Variants in DNMT1 observed in about 807,000 individuals in gnomAD.
DNMT1 encodes the protein DNA (cytosine-5)-methyltransferase 1.
DNMT1 carries 24 observed loss-of-function variants against 205.3 expected under a neutral mutation model. The ratio of observed to expected loss-of-function variants is 0.12; its 90% confidence interval spans 0.08 to 0.16. DNMT1 has a LOEUF of 0.16. DNMT1 is among the 10% of genes least tolerant of loss of function. The pLI, the probability that DNMT1 is intolerant of heterozygous loss-of-function variation, is 1.00. For synonymous variants in DNMT1, 817 were observed against 839.8 expected, an observed-to-expected ratio of 0.97 and a Z score of 0.47; for missense variants, 1,293 against 2,177.7, an observed-to-expected ratio of 0.59 and a Z score of 8.09.
chr19:10,173,138 T>C lies in DNMT1; in HGVS notation c.720A>G (p.Arg240=), dbSNP rs760733624. ...ARPLPAEEPE[R]AKSGTRTEKE... ...TTTCAGTGCGCGTTCCTGATTTTGC[T>C]CTTTCAGGTTCTTCTGCAGGAAGCG... is the stretch of plus-strand genomic sequence containing the variant. Residue 240 remains arginine (R), a synonymous_variant, in exon 9 of 41, where the codon AGA becomes AGG. Coordinates refer to ENST00000359526, the MANE Select transcript of DNMT1 (RefSeq NM_001130823.3). The C allele has an allele frequency of 8.1e-6, 13 of 1,614,160 alleles. No individual in the cohort carries two copies. Among genetic ancestry groups the C allele is most frequent in the Non-Finnish European group, 1.0e-5 (12 of 1,180,036 alleles).
intron 8 of DNMT1, among the ~76,000 whole-genome samples, 180 bp downstream of exon 8, chr19:10,173,691 C>A (rs531766373): frequency 2.6e-5 from 4 of 152,060 alleles, no homozygotes; most frequent in African/African-American, 9.6e-5. Context: ...GGGGTTTCGC[C>A]ATGTTGGTCA....
intron 1 of DNMT1, among the ~76,000 whole-genome samples, chr19:10,185,047 G>C (rs2145394724): frequency 6.6e-6 from 1 of 152,332 alleles, no homozygotes; most frequent in Admixed American, 6.5e-5. Context: ...CTGAATGCCA[G>C]GCCCTGCTCC....
At chr19:10,164,071 A>G (rs1042700854) in intron 11 of DNMT1, among the ~76,000 whole-genome samples, 3 of 152,106 alleles carry the variant, frequency 2.0e-5, no homozygotes, top group African/African-American at 7.2e-5. Flanking sequence ...AACACCATCA[A>G]TACCCCATCT....
intron 30 of DNMT1, 54 bp from the exon 31 acceptor site, chr19:10,141,243 T>G: frequency 4.4e-6 from 7 of 1,574,388 alleles, no homozygotes; most frequent in Non-Finnish European, 6.1e-6. Flanking sequence ...GTCCCCTCTC[T>G]AACGCAGACT....
At chr19:10,185,843 G>GAAAAA (rs57377594) in intron 1 of DNMT1, among the ~76,000 whole-genome samples, 4 of 70,748 alleles carry the variant, frequency 5.7e-5, no homozygotes, top group Admixed American at 1.4e-4. Context: ...TGTCTCAAAA[G>GAAAAA]AAAAAAAAAA....
chr19:10,191,364 TA>T (rs548166248), intron 1 of DNMT1, among the ~76,000 whole-genome samples: 4,569 of 129,090 alleles, frequency 0.035, 123 homozygotes, highest in African/African-American at 0.086. Flanking sequence ...TTTCAAAATG[TA>T]AAAAAAAAAA....
Position 10,159,034 on chromosome 19 carries a change from G to A in DNMT1, c.1280+624C>T, listed in dbSNP as rs138962182. On this transcript the variant is annotated intron_variant, in intron 17 of 40. Coordinates refer to ENST00000359526, the MANE Select transcript of DNMT1 (RefSeq NM_001130823.3). This position sits in a 1 kb window ranked among gnomAD's most constrained non-coding sequence, Gnocchi z 5.0. ...ACAGGTATCACCCATTTCTGGCTCC[G>A]TGAAGGCAGGACCTGAGCAGCTACA... Among the ~76,000 whole-genome samples the A allele has an allele frequency of 2.3e-4, 35 of 152,278 alleles. No individual in the cohort carries two copies. The highest frequency in any genetic ancestry group is 6.2e-4 in the South Asian group (3 of 4,828).
In DNMT1 at chr19:10,159,363, G is replaced by A. The variant is rs192230826; in HGVS notation, c.1280+295C>T. 1.2e-3 allele frequency among the ~76,000 whole-genome samples: 185 copies of A among 152,154 alleles called. 2 individuals carry two copies. Among genetic ancestry groups the A allele is most frequent in the Admixed American group, 0.012 (183 of 15,284 alleles). The stretch of plus-strand genomic sequence containing the variant: ...CTCGAGTAGTTGGGATTACAGTCGC[G>A]TACCACCACACCTGGCTACTTTTTG... On this transcript the variant is annotated intron_variant, in intron 17 of 40. Coordinates refer to ENST00000359526, the MANE Select transcript of DNMT1 (RefSeq NM_001130823.3). This position sits in a 1 kb window ranked among gnomAD's most constrained non-coding sequence, Gnocchi z 5.0.
chr19:10,182,521 A>G (rs990856095), intron 1 of DNMT1, among the ~76,000 whole-genome samples: 1 of 144,720 alleles, frequency 6.9e-6, no homozygotes, highest in African/African-American at 2.6e-5. Context: ...ATACATATAT[A>G]TGTGTATATG....
In DNMT1 at chr19:10,146,244, A is replaced by T; in HGVS notation, c.2894+107T>A. 1 of 1,362,936 alleles carries T rather than the reference A, an allele frequency of 7.3e-7. No individual in the cohort carries two copies. The highest frequency in any genetic ancestry group is 1.0e-6 in the Non-Finnish European group (1 of 989,480). 84.4% of individuals were successfully genotyped at this position (1,362,936 alleles called of 1,614,324 possible). A position where few individuals can be genotyped will look rare whatever the true frequency, so the allele number is the denominator to read the frequency against. ...ATGCCAACGTGACGGCTAGGACAAC[A>T]GCTGGTGCGGAGGGATTGGCAATGT... On this transcript the variant is annotated intron_variant, in intron 28 of 40. Transcript: ENST00000359526. The surrounding 1 kb of genome is among the most constrained non-coding windows in gnomAD (Gnocchi z 4.4).
chr19:10,160,088 G>C (rs1461392770), intron 14 of DNMT1, 25 bp from the exon 15 acceptor site: 2 of 1,611,712 alleles, frequency 1.2e-6, no homozygotes, highest in Non-Finnish European at 1.7e-6. Flanking sequence ...AAAATCACAA[G>C]ATCGTTTGTT....
intron 14 of DNMT1, 37 bp downstream of exon 14, chr19:10,160,347 C>T (rs777465700): frequency 4.3e-6 from 7 of 1,613,456 alleles, no homozygotes; most frequent in Non-Finnish European, 5.9e-6. Flanking sequence ...TTTAACATTA[C>T]CATCTGCTTT....
intron 13 of DNMT1, among the ~76,000 whole-genome samples, chr19:10,161,325 A>G (rs1223267074): frequency 1.8e-3 from 63 of 34,156 alleles, no homozygotes; most frequent in Non-Finnish European, 2.6e-3. Flanking sequence ...ACATAAGTAA[A>G]TAAATAAATA....
chr19:10,151,871 A>G lies in DNMT1; in HGVS notation c.2020-24T>C. 1 of 1,610,270 alleles carries G rather than the reference A, an allele frequency of 6.2e-7. No individual in the cohort carries two copies. Among genetic ancestry groups the G allele is most frequent in the Non-Finnish European group, 8.5e-7 (1 of 1,176,746 alleles). On this transcript the variant is annotated intron_variant, in intron 22 of 40. Transcript: ENST00000359526. This position sits in a 1 kb window ranked among gnomAD's most constrained non-coding sequence, Gnocchi z 5.0. ...ACCTAAAAAATGGCATTAAAAAGGC[A>G]AATCAGGGCTGGGCACAGTGGTTCA...
Position 10,146,460 on chromosome 19 carries a change from G to C in DNMT1, c.2785C>G (p.Gln929Glu). The change falls in exon 28 of 41, where the codon CAG becomes GAG. Residue 929 changes from glutamine (Q) to glutamate (E), a missense_variant. Transcript: ENST00000359526. This position sits in a 1 kb window ranked among gnomAD's most constrained non-coding sequence, Gnocchi z 4.4. ...ACCCGGCTATCCAGGTCCTCGAGCTGCTCCAGGACCCTGGGGATTTCTTTT... is the reference window on the plus strand; with the variant it reads ...ACCCGGCTATCCAGGTCCTCGAGCTCCTCCAGGACCCTGGGGATTTCTTTT... ...RQKEIPRVLE[Q>E]LEDLDSRVLY... 6.2e-7 allele frequency: 1 copy of C among 1,614,152 alleles called. No homozygotes were observed. The highest frequency in any genetic ancestry group is 8.5e-7 in the Non-Finnish European group (1 of 1,180,036).
intron 6 of DNMT1, among the ~76,000 whole-genome samples, chr19:10,177,007 A>T (rs2145368512): frequency 6.6e-6 from 1 of 152,326 alleles, no homozygotes; most frequent in East Asian, 1.9e-4. Flanking sequence ...ATATGGGGGT[A>T]TAGATGAAAC....
Position 10,146,287 on chromosome 19 carries a change from C to A in DNMT1, c.2894+64G>T. ...GGCAATGTCTGTAAGGAGGGGGACA[C>A]CACAAAGCCAGCCTGGCTCAGCCTG... On this transcript the variant is annotated intron_variant, in intron 28 of 40. Transcript: ENST00000359526. This position sits in a 1 kb window ranked among gnomAD's most constrained non-coding sequence, Gnocchi z 4.4. The A allele has an allele frequency of 1.3e-6, 2 of 1,597,686 alleles. No homozygotes were observed. Among genetic ancestry groups the A allele is most frequent in the South Asian group, 1.1e-5 (1 of 89,764 alleles).
intron 9 of DNMT1, among the ~76,000 whole-genome samples, chr19:10,171,328 A>G (rs2038810861): frequency 6.6e-6 from 1 of 152,154 alleles, no homozygotes; most frequent in South Asian, 2.1e-4. Context: ...AGATCTCGTC[A>G]GCCAGAGAAG....
In DNMT1 at chr19:10,137,581, A is replaced by C. The variant is rs1395186591; in HGVS notation, c.4293+251T>G. 1 of 651,148 alleles carries C rather than the reference A, an allele frequency of 1.5e-6. No homozygotes were observed. The highest frequency in any genetic ancestry group is 2.6e-6 in the Non-Finnish European group (1 of 378,358). 40.3% of individuals were successfully genotyped at this position (651,148 alleles called of 1,614,324 possible). A position where few individuals can be genotyped will look rare whatever the true frequency, so the allele number is the denominator to read the frequency against. On this transcript the variant is annotated intron_variant, in intron 36 of 40. Coordinates refer to ENST00000359526, the MANE Select transcript of DNMT1 (RefSeq NM_001130823.3). The surrounding 1 kb of genome is among the most constrained non-coding windows in gnomAD (Gnocchi z 6.4). The stretch of plus-strand genomic sequence containing the variant: ...CCTGGGAAAACATGCGGGGAGAGGC[A>C]GCAAGGGGGAAGGCAGTGGTGGGTG...
Sources: gnomAD v4.1 joint callset for allele counts (sites outside exome capture counted in the v4.1 genomes callset) on GRCh38, gnomAD v4.1.1 for gene constraint, Gnocchi (gnomAD v3.1) non-coding constraint, MANE v1.5 for transcripts, NCBI Gene and HGNC (gene_info 2026-07-23, HGNC 2026-07-21) for gene names.